Variants in COL4A4 observed in about 807,000 individuals in gnomAD.
COL4A4 encodes collagen type IV alpha 4 chain, also known as collagen alpha-4(IV) chain.
Under a neutral mutation model 192.9 loss-of-function variants are expected in COL4A4, and 105 were observed. The observed-to-expected ratio is 0.54, with a 90% confidence interval of 0.46 to 0.64. The LOEUF is 0.64. Among genes scored for constraint, COL4A4 ranks in the 30% least tolerant of loss-of-function variants. The pLI is 0.00. For synonymous variants in COL4A4, 762 were observed against 769.9 expected (o/e 0.99, Z 0.17); for missense variants, 1,967 against 2,169.3 (o/e 0.91, Z 1.85).
downstream of COL4A4, among the ~76,000 whole-genome samples, chr2:226,999,822 C>A (rs116196107): frequency 6.0e-3 from 912 of 152,230 alleles, 8 homozygotes; most frequent in African/African-American, 0.021. Context: ...TCTCTGGATG[C>A]GAAACTGGAT....
chr2:227,050,137 AGT>A lies in COL4A4; in HGVS notation c.3151-8_3151-7del. 6.2e-7 allele frequency: 1 copy of A among 1,613,744 alleles called. No individual in the cohort carries two copies. The highest frequency in any genetic ancestry group is 8.5e-7 in the Non-Finnish European group (1 of 1,179,616). ...CCTGGAGAACCTGGCTCACCCTGAC[AGT>A]TTAATGAAACAAAAGGCCTTAATCA... is the stretch of plus-strand genomic sequence containing the variant. On this transcript the variant is annotated splice_polypyrimidine_tract_variant and splice_region_variant and intron_variant, in intron 33 of 47. Coordinates refer to ENST00000396625, the MANE Select transcript of COL4A4 (RefSeq NM_000092.5).
chr2:227,060,533 A>G (rs1324675200), intron 26 of COL4A4, among the ~76,000 whole-genome samples: 1 of 152,050 alleles, frequency 6.6e-6, no homozygotes, highest in African/African-American at 2.4e-5. Context: ...TTTTTTTGGT[A>G]TCTTCCCATG....
chr2:227,033,347 A>C, intron 38 of COL4A4, 63 bp downstream of exon 38: 1 of 1,337,598 alleles, frequency 7.5e-7, no homozygotes, highest in Non-Finnish European at 1.1e-6. Context: ...CAGGGAGGGT[A>C]CCACTTTCTC....
chr2:227,058,237 G>A (rs1406138072), intron 28 of COL4A4, among the ~76,000 whole-genome samples: 2 of 152,128 alleles, frequency 1.3e-5, no homozygotes, highest in African/African-American at 4.8e-5. Flanking sequence ...GCTAATGGCT[G>A]GATGGTATTC....
At chr2:227,091,508 G>A (rs575571885) in intron 20 of COL4A4, among the ~76,000 whole-genome samples, 90 of 151,894 alleles carry the variant, frequency 5.9e-4, no homozygotes, top group African/African-American at 2.0e-3. Flanking sequence ...AAAAAATGGA[G>A]GAGACAACGT....
the COL4A4 span, chr2:226,996,458 C>G: frequency 6.6e-6 from 1 of 152,242 alleles, no homozygotes; most frequent in East Asian, 1.9e-4. Context: ...TTACAATCCA[C>G]AGATTGTCTG....
intron 22 of COL4A4, among the ~76,000 whole-genome samples, chr2:227,085,743 A>C (rs1475651396): frequency 6.6e-6 from 1 of 152,146 alleles, no homozygotes; most frequent in Non-Finnish European, 1.5e-5. Context: ...GGATGGAGCT[A>C]AGCCATTCGT....
At chr2:227,145,385 T>C (rs542370898) in intron 2 of COL4A4, among the ~76,000 whole-genome samples, 4 of 152,318 alleles carry the variant, frequency 2.6e-5, no homozygotes, top group South Asian at 2.1e-4. Flanking sequence ...AGGCAGAGAT[T>C]GCAGTGAGCC....
chr2:227,085,634 G>C (rs1162134906), intron 22 of COL4A4, among the ~76,000 whole-genome samples: 1 of 152,092 alleles, frequency 6.6e-6, no homozygotes, highest in Non-Finnish European at 1.5e-5. Context: ...GGTGAGAGAG[G>C]GAGCAAGAGA....
intron 4 of COL4A4, among the ~76,000 whole-genome samples, chr2:227,128,780 G>A (rs868668787): frequency 6.6e-5 from 10 of 152,134 alleles, no homozygotes; most frequent in Non-Finnish European, 1.0e-4. Flanking sequence ...CCAATCTCTC[G>A]CGTCTCCTTA....
At chr2:227,156,458 T>G (rs567039806) in intron 1 of COL4A4, among the ~76,000 whole-genome samples, 1 of 148,340 alleles carries the variant, frequency 6.7e-6, no homozygotes, top group Non-Finnish European at 1.5e-5. Context: ...AGATAAGACT[T>G]GATTTAGGAA....
intron 45 of COL4A4, among the ~76,000 whole-genome samples, chr2:227,011,821 TTCA>T (rs1213068863): frequency 1.3e-5 from 2 of 152,208 alleles, no homozygotes; most frequent in East Asian, 3.9e-4. Flanking sequence ...CCCTGAGGTC[TTCA>T]TCACAGCCTC....
intron 18 of COL4A4, 145 bp downstream of exon 18, chr2:227,099,475 G>A: frequency 2.7e-6 from 2 of 732,990 alleles, no homozygotes; most frequent in East Asian, 5.3e-5. Context: ...TCATGCACAT[G>A]TATAATTATA....
chr2:227,135,443 G>C (rs889892723), intron 4 of COL4A4, among the ~76,000 whole-genome samples: 1 of 152,128 alleles, frequency 6.6e-6, no homozygotes, highest in African/African-American at 2.4e-5. Context: ...AATTCACAAG[G>C]GAATTTGAAC....
rs1438509454 is a variant in COL4A4 at position 227,089,965 on chromosome 2, G to A, written c.1370-8C>T. 18 of 1,606,638 alleles carry A rather than the reference G, an allele frequency of 1.1e-5. No homozygotes were observed. Among genetic ancestry groups the A allele is most frequent in the African/African-American group, 4.0e-5 (3 of 74,732 alleles). ...CAACACTACAGTATATCACTGTCAA[G>A]GAGGTAAGGGGGTGGGCAGAGAGAA... is the stretch of plus-strand genomic sequence containing the variant. On this transcript the variant is annotated splice_polypyrimidine_tract_variant and splice_region_variant and intron_variant, in intron 20 of 47. Transcript: ENST00000396625.
rs1559593555 is a variant in COL4A4 at position 227,089,630 on chromosome 2, TAAG to T, written c.1459+235_1459+237del. Among the ~76,000 whole-genome samples, 46 of 141,858 alleles carry T rather than the reference TAAG, an allele frequency of 3.2e-4. 1 individual carries two copies. The highest frequency in any genetic ancestry group is 8.4e-4 in the East Asian group (4 of 4,774). The allele number at this position is 141,858 out of a possible 152,430, so 93.1% of individuals were successfully genotyped here. A position where few individuals can be genotyped will look rare whatever the true frequency, so the allele number is the denominator to read the frequency against. On this transcript the variant is annotated intron_variant, in intron 21 of 47. Transcript: ENST00000396625. ...ATATACATACATATATATAAATATA[TAAG>T]ACACAAGGCTTTGACTTTTATAATA...
intron 9 of COL4A4, among the ~76,000 whole-genome samples, chr2:227,111,251 A>G (rs1358423757): frequency 2.6e-5 from 4 of 152,252 alleles, no homozygotes; most frequent in African/African-American, 9.6e-5. Flanking sequence ...AATATTAAAT[A>G]TAATATACAA....
At position 227,022,056 on chromosome 2, in the gene COL4A4, GA is replaced by G; in HGVS notation, c.4207del (p.Ser1403GlnfsTer149). On this transcript the variant is annotated frameshift_variant, in exon 44 of 48. Coordinates refer to ENST00000396625, the MANE Select transcript of COL4A4 (RefSeq NM_000092.5). LOFTEE classifies it high-confidence loss of function. ...CAGCATGCGGCTCATACCTGGTCCTGAGGGGCCTCTCATTCCAGGGAGCCCC... is the reference window on the plus strand; with the variant it reads ...CAGCATGCGGCTCATACCTGGTCCTGGGGGCCTCTCATTCCAGGGAGCCCC... ...AMGLPGMRGP[S>X]GPGCKGEPGL... 1 of 1,613,856 alleles carries G rather than the reference GA, an allele frequency of 6.2e-7. No individual in the cohort carries two copies. The highest frequency in any genetic ancestry group is 8.5e-7 in the Non-Finnish European group (1 of 1,179,804).
At chr2:227,142,447 T>C (rs983815097) in intron 3 of COL4A4, among the ~76,000 whole-genome samples, 2 of 152,154 alleles carry the variant, frequency 1.3e-5, no homozygotes, top group Non-Finnish European at 2.9e-5. Flanking sequence ...GTTAAACATA[T>C]ATTTGTCACA....
Sources: allele counts gnomAD v4.1 joint callset (sites outside exome capture counted in the v4.1 genomes callset), GRCh38; gene constraint gnomAD v4.1.1; transcripts MANE v1.5; gene names NCBI Gene and HGNC (gene_info 2026-07-23, HGNC 2026-07-21).